The following PRTFDC1 variants were observed in gnomAD, a reference collection of about 807,000 sequenced individuals.
PRTFDC1 encodes phosphoribosyltransferase domain-containing protein 1.
PRTFDC1 carries 38 observed loss-of-function variants against 34.6 expected under a neutral mutation model. The ratio of observed to expected loss-of-function variants is 1.10; its 90% confidence interval spans 0.85 to 1.44. PRTFDC1 has a LOEUF of 1.44. Among genes scored for constraint, PRTFDC1 ranks in the 40% most tolerant of loss-of-function variants. The probability of loss-of-function intolerance (pLI) is 0.00; values close to 1 mark genes in which losing one functional copy is unlikely to be tolerated. For synonymous variants in PRTFDC1, 93 were observed against 98.1 expected, an observed-to-expected ratio of 0.95 and a Z score of 0.31; for missense variants, 270 against 283.0, an observed-to-expected ratio of 0.95 and a Z score of 0.33.
chr10:24,861,298 C>T (rs1168489777), intron 4 of PRTFDC1, among the ~76,000 whole-genome samples: 5 of 152,148 alleles, frequency 3.3e-5, no homozygotes, highest in East Asian at 3.9e-4. Context: ...GTCAGGAGTT[C>T]GAGAGCAGCC....
chr10:24,871,230 C>T (rs977923695), intron 4 of PRTFDC1, among the ~76,000 whole-genome samples: 2 of 152,036 alleles, frequency 1.3e-5, no homozygotes, highest in Admixed American at 6.6e-5. Context: ...ATAGACTAAT[C>T]CATTTAACTT....
intron 3 of PRTFDC1, chr10:24,908,503 C>T (rs1435811766): frequency 6.2e-7 from 1 of 1,612,088 alleles, no homozygotes; most frequent in Middle Eastern, 1.7e-4. Flanking sequence ...GATCTCAGAC[C>T]TAATTCTGCT....
chr10:24,880,578 T>C (rs142637670), intron 3 of PRTFDC1, among the ~76,000 whole-genome samples: 5 of 152,360 alleles, frequency 3.3e-5, no homozygotes, highest in Admixed American at 6.5e-5. Context: ...ATGTAAGCCA[T>C]GTGCTCTGTG....
intron 3 of PRTFDC1, among the ~76,000 whole-genome samples, chr10:24,905,857 T>C (rs985862067): frequency 2.0e-5 from 3 of 152,146 alleles, no homozygotes; most frequent in Non-Finnish European, 4.4e-5. Context: ...TTCTTTCTAA[T>C]TATTTTTTGT....
intron 3 of PRTFDC1, among the ~76,000 whole-genome samples, chr10:24,909,597 T>C (rs1203394590): frequency 1.3e-5 from 2 of 152,212 alleles, no homozygotes; most frequent in Non-Finnish European, 2.9e-5. Context: ...TTAATTTGTA[T>C]AGCTTTGTAT....
At position 24,849,832 on chromosome 10, in the gene PRTFDC1, GA is replaced by G; in HGVS notation, c.*11del. The G allele has an allele frequency of 6.2e-7, 1 of 1,613,256 alleles. No individual in the cohort carries two copies. The highest frequency in any genetic ancestry group is 8.5e-7 in the Non-Finnish European group (1 of 1,179,274). On this transcript the variant is annotated 3_prime_UTR_variant, in exon 9 of 9. Coordinates refer to ENST00000320152, the MANE Select transcript of PRTFDC1 (RefSeq NM_020200.7). Reference sequence around the variant, plus strand: ...ATGCTATCTGGGACTTTAGTGGTGAGAATTCATGTCTTTAGACTCGATATTT... The same window carrying G: ...ATGCTATCTGGGACTTTAGTGGTGAGATTCATGTCTTTAGACTCGATATTT...
chr10:24,884,270 C>T (rs1300455056), intron 3 of PRTFDC1, among the ~76,000 whole-genome samples: 1 of 151,966 alleles, frequency 6.6e-6, no homozygotes, highest in African/African-American at 2.4e-5. Context: ...TTTAAGATTG[C>T]CAGGAGGATG....
chr10:24,922,508 A>G (rs12412055), intron 3 of PRTFDC1, among the ~76,000 whole-genome samples: 26,045 of 152,082 alleles, frequency 0.17, 2,614 homozygotes, highest in East Asian at 0.28. Flanking sequence ...ATAGTGAATA[A>G]GTCTCATGAG....
intron 3 of PRTFDC1, among the ~76,000 whole-genome samples, chr10:24,893,877 A>G (rs1848304447): frequency 6.6e-6 from 1 of 152,168 alleles, no homozygotes; most frequent in South Asian, 2.1e-4. Flanking sequence ...AAATCCATAC[A>G]AATCAACTTG....
intron 3 of PRTFDC1, among the ~76,000 whole-genome samples, chr10:24,895,012 T>C (rs577260994): frequency 2.0e-5 from 3 of 152,212 alleles, no homozygotes; most frequent in African/African-American, 7.2e-5. Flanking sequence ...TGGGCTTGGC[T>C]TCCCAGACAG....
chr10:24,856,136 A>G (rs1325355662), intron 6 of PRTFDC1, among the ~76,000 whole-genome samples: 4 of 148,978 alleles, frequency 2.7e-5, no homozygotes, highest in Non-Finnish European at 6.0e-5. Flanking sequence ...AAAAAAAAAA[A>G]AAAAAGGTAG....
At chr10:24,947,693 A>C (rs1849272808) in intron 1 of PRTFDC1, among the ~76,000 whole-genome samples, 1 of 152,056 alleles carries the variant, frequency 6.6e-6, no homozygotes, top group Non-Finnish European at 1.5e-5. Context: ...AACACATACA[A>C]GAAGCTAATC....
intron 2 of PRTFDC1, among the ~76,000 whole-genome samples, chr10:24,937,886 C>T (rs1203897536): frequency 1.3e-5 from 2 of 151,890 alleles, no homozygotes; most frequent in East Asian, 1.9e-4. Flanking sequence ...AGAAGACACA[C>T]GATCATAAAA....
intron 3 of PRTFDC1, among the ~76,000 whole-genome samples, chr10:24,932,388 A>G (rs1848985586): frequency 6.6e-6 from 1 of 152,016 alleles, no homozygotes; most frequent in Admixed American, 6.6e-5. Flanking sequence ...AGAAATTATT[A>G]TCTTCATAGA....
At chr10:24,905,422 A>G (rs1034545101) in intron 3 of PRTFDC1, among the ~76,000 whole-genome samples, 1 of 150,298 alleles carries the variant, frequency 6.7e-6, no homozygotes, top group African/African-American at 2.5e-5. Context: ...CCCTGGTTCA[A>G]GCAATTCTTC....
intron 4 of PRTFDC1, among the ~76,000 whole-genome samples, chr10:24,866,785 A>G (rs563518788): frequency 1.2e-4 from 12 of 100,222 alleles, no homozygotes; most frequent in African/African-American, 3.5e-4. Context: ...TTGGAAGAAA[A>G]GAAAGAAAGA....
At chr10:24,879,256 G>C (rs1848024577) in intron 3 of PRTFDC1, among the ~76,000 whole-genome samples, 1 of 152,152 alleles carries the variant, frequency 6.6e-6, no homozygotes, top group Non-Finnish European at 1.5e-5. Context: ...AGCCAAAGTG[G>C]AAGTTGATGC....
chr10:24,939,223 C>T (rs1015957738), intron 2 of PRTFDC1, among the ~76,000 whole-genome samples: 2 of 149,346 alleles, frequency 1.3e-5, no homozygotes, highest in Non-Finnish European at 3.0e-5. Context: ...ATCACTTGAA[C>T]CCAGGAGGCG....
rs543634067 is a variant in PRTFDC1 at position 24,923,175 on chromosome 10, T to G, written c.339+14009A>C. On this transcript the variant is annotated intron_variant, in intron 3 of 8. Coordinates refer to ENST00000320152, the MANE Select transcript of PRTFDC1 (RefSeq NM_020200.7). ...CAAACTGGGCAGAGCCCACCACAGC[T>G]CAGCAAGGCCTACCGCCTCTCTAGA... 5.9e-5 allele frequency among the ~76,000 whole-genome samples: 9 copies of G among 152,294 alleles called. 1 individual carries two copies. In the South Asian group the frequency reaches 1.9e-3, roughly 32 times the overall value.
Sources: allele counts gnomAD v4.1 joint callset (sites outside exome capture counted in the v4.1 genomes callset), GRCh38; gene constraint gnomAD v4.1.1; transcripts MANE v1.5; gene names NCBI Gene and HGNC (gene_info 2026-07-23, HGNC 2026-07-21).